Variants in PMS2 observed in about 807,000 individuals in gnomAD.
PMS2 encodes mismatch repair endonuclease PMS2.
PMS2 carries 69 observed loss-of-function variants against 90.0 expected under a neutral mutation model. The observed-to-expected ratio is 0.77, with a 90% CI of 0.63 to 0.94. PMS2 has a LOEUF of 0.94. PMS2 is among the 40% of genes least tolerant of loss of function. PMS2 has a pLI of 0.00. For synonymous variants in PMS2, 332 were observed against 375.1 expected, an observed-to-expected ratio of 0.89 and a Z score of 1.33; for missense variants, 966 against 1,040.2, an observed-to-expected ratio of 0.93 and a Z score of 0.98.
chr7:5,977,081 G>C (rs898197404), intron 14 of PMS2, among the ~76,000 whole-genome samples: 2 of 149,486 alleles, frequency 1.3e-5, no homozygotes. Flanking sequence ...TTGAGACGGA[G>C]TCTCGCTCTG....
chr7:5,988,107 C>T (rs1783264285), intron 10 of PMS2, among the ~76,000 whole-genome samples: 1 of 142,216 alleles, frequency 7.0e-6, no homozygotes, highest in Non-Finnish European at 1.5e-5. Flanking sequence ...TGGCCATATA[C>T]TCACCAGAAT....
At chr7:5,988,042 C>T (rs1448056243) in intron 10 of PMS2, among the ~76,000 whole-genome samples, 1 of 93,792 alleles carries the variant, frequency 1.1e-5, no homozygotes, top group African/African-American at 4.7e-5. Context: ...GACAGAGCAA[C>T]ACTCTGTCTC....
chr7:6,000,767 G>C (rs569849183), intron 5 of PMS2, among the ~76,000 whole-genome samples: 2 of 152,222 alleles, frequency 1.3e-5, no homozygotes, highest in East Asian at 3.9e-4. Context: ...GAGGCAGGTG[G>C]ATCACTTGAG....
intron 1 of PMS2, among the ~76,000 whole-genome samples, chr7:6,007,523 C>T (rs1412045272): frequency 3.9e-5 from 6 of 152,142 alleles, no homozygotes; most frequent in Admixed American, 2.6e-4. Context: ...CTCCTCTGCC[C>T]AAACAATGTC....
In PMS2 at chr7:5,989,971, A is replaced by G. The variant is rs1380473159; in HGVS notation, c.989-16T>C. On this transcript the variant is annotated splice_polypyrimidine_tract_variant and intron_variant, in intron 9 of 14. Coordinates refer to ENST00000265849, the MANE Select transcript of PMS2 (RefSeq NM_000535.7). ...TCAACGCATTCTAAGGCAAAAAAGA[A>G]AACATATTTATTATGTTTAAATTCA... 6.6e-7 allele frequency: 1 copy of G among 1,505,408 alleles called. No homozygotes were observed. The highest frequency in any genetic ancestry group is 9.2e-7 in the Non-Finnish European group (1 of 1,088,324). The allele number at this position is 1,505,408 out of a possible 1,614,324, so 93.3% of individuals were successfully genotyped here.
Position 5,977,747 on chromosome 7 carries a change from A to C in PMS2, c.2286T>G (p.Thr762=), listed in dbSNP as rs1441195977. ...GCAAGGAAATCAGTTTAGCCCTTTC[A>C]GTGACTGGAGCTAAAAGAATACAAT... ...DFVIDENAPV[T]ERAKLISLPT... The change falls in exon 14 of 15, where the codon ACT becomes ACG. Residue 762 remains threonine (T), a synonymous_variant. Transcript: ENST00000265849. 6.2e-7 allele frequency: 1 copy of C among 1,605,644 alleles called. No individual in the cohort carries two copies. The highest frequency in any genetic ancestry group is 1.3e-5 in the African/African-American group (1 of 74,230).
chr7:5,985,425 A>G (rs1217187846), intron 11 of PMS2, among the ~76,000 whole-genome samples: 1 of 151,824 alleles, frequency 6.6e-6, no homozygotes, highest in East Asian at 1.9e-4. Flanking sequence ...AAAAATGTAT[A>G]ATAAGGCATT....
At position 6,005,965 on chromosome 7, in the gene PMS2, C is replaced by T. The variant is rs1413534855; in HGVS notation, c.90G>A (p.Gln30=). ...RKSVHQICSG[Q]VVLSLSTAVK... is the part of the protein sequence containing the mutation. Reference sequence around the variant, plus strand: ...CCGCAGTGCTTAGACTCAGTACCACCTGCCCAGAGCAAATCTGATGGACTG... The same window carrying T: ...CCGCAGTGCTTAGACTCAGTACCACTTGCCCAGAGCAAATCTGATGGACTG... Residue 30 remains glutamine, a synonymous_variant, in exon 2 of 15, where the codon CAG becomes CAA. Transcript: ENST00000265849. 1.2e-6 allele frequency: 2 copies of T among 1,610,818 alleles called. No homozygotes were observed. Among genetic ancestry groups the T allele is most frequent in the Non-Finnish European group, 1.7e-6 (2 of 1,179,810 alleles).
intron 1 of PMS2, among the ~76,000 whole-genome samples, chr7:6,007,171 A>G (rs1785877538): frequency 6.6e-6 from 1 of 152,008 alleles, no homozygotes; most frequent in African/African-American, 2.4e-5. Context: ...GCTAGAGGGC[A>G]ATGGCATGAG....
At chr7:5,976,150 C>T (rs541837874) in intron 14 of PMS2, among the ~76,000 whole-genome samples, 1 of 141,026 alleles carries the variant, frequency 7.1e-6, no homozygotes, top group East Asian at 2.9e-4. Flanking sequence ...GCAGGAGAAT[C>T]GCTTGAACCT....
At chr7:5,997,951 C>T (rs1242848329) in intron 6 of PMS2, among the ~76,000 whole-genome samples, 1 of 152,058 alleles carries the variant, frequency 6.6e-6, no homozygotes, top group Non-Finnish European at 1.5e-5. Context: ...AGAACCCACA[C>T]ATTGCCCACA....
chr7:5,993,633 C>T (rs185403963), intron 8 of PMS2, among the ~76,000 whole-genome samples: 4,306 of 151,242 alleles, frequency 0.028, 116 homozygotes, highest in Middle Eastern at 0.13. Flanking sequence ...GAGACAGAGG[C>T]GGGTGGATCA....
upstream of PMS2, chr7:6,009,093 A>G (rs781748383): frequency 5.6e-5 from 87 of 1,540,368 alleles, no homozygotes; most frequent in Non-Finnish European, 7.4e-5. Flanking sequence ...CCGCCTCCTG[A>G]ACTCCCATTG....
chr7:6,002,224 A>G (rs1314262175), intron 5 of PMS2: 1 of 455,232 alleles, frequency 2.2e-6, no homozygotes, highest in Admixed American at 3.6e-5. Flanking sequence ...TCATAGAGAC[A>G]GGGTCTCACT....
At chr7:6,005,468 T>G (rs2128839945) in intron 2 of PMS2, among the ~76,000 whole-genome samples, 1 of 152,292 alleles carries the variant, frequency 6.6e-6, no homozygotes, top group Non-Finnish European at 1.5e-5. Flanking sequence ...CCTCCCAAAG[T>G]GCTGGGATTA....
rs549126337 is a variant in PMS2 at position 5,984,764 on chromosome 7, G to A, written c.2007-1773C>T. ...CGTGCCAGTGCACTCCAGCCTGGGC[G>A]AAAGAGTGAGACTCTTGTCTCAAAA... On this transcript the variant is annotated intron_variant, in intron 11 of 14. Transcript: ENST00000265849. Among the ~76,000 whole-genome samples the A allele has an allele frequency of 3.3e-5, 5 of 151,636 alleles. 1 individual carries two copies. The highest frequency in any genetic ancestry group is 4.1e-4 in the South Asian group (2 of 4,822).
chr7:5,997,512 A>G, intron 6 of PMS2, 89 bp from the exon 7 acceptor site: 1 of 770,702 alleles, frequency 1.3e-6, no homozygotes, highest in South Asian at 1.6e-5. Flanking sequence ...AGCTATTGAC[A>G]TTACAAGCGC....
At chr7:5,997,998 C>T (rs949554293) in intron 6 of PMS2, among the ~76,000 whole-genome samples, 1 of 151,816 alleles carries the variant, frequency 6.6e-6, no homozygotes, top group Non-Finnish European at 1.5e-5. Flanking sequence ...AGTGAAAAGA[C>T]GCAGTATACG....
At chr7:5,992,166 C>CT (rs1783829982) in intron 8 of PMS2, 109 bp from the exon 9 acceptor site, 32 of 647,816 alleles carry the variant, frequency 4.9e-5, no homozygotes, top group South Asian at 1.5e-4. Flanking sequence ...GAAGGGGATA[C>CT]TTTTTTGTTT....
Sources: allele counts gnomAD v4.1 joint callset (sites outside exome capture counted in the v4.1 genomes callset), GRCh38; gene constraint gnomAD v4.1.1; transcripts MANE v1.5; gene names NCBI Gene and HGNC (gene_info 2026-07-23, HGNC 2026-07-21).